The following CPHXL2 variants were observed in gnomAD, a reference collection of about 807,000 sequenced individuals.
CPHXL2 encodes the protein cytoplasmic polyadenylated homeobox like 2.
At chr16:75,661,154 A>G in the CPHXL2 span, 115 of 400,790 alleles carry the variant, frequency 2.9e-4, no homozygotes, top group African/African-American at 1.9e-3. Flanking sequence ...TTAAAAATGG[A>G]CAGGCTTGGA....
chr16:75,668,404 TTTTTA>T, the CPHXL2 span, among the ~76,000 whole-genome samples: 1 of 152,018 alleles, frequency 6.6e-6, no homozygotes, highest in East Asian at 1.9e-4. Flanking sequence ...AATTTTTGTA[TTTTTA>T]GTAGAGAAGG....
At chr16:75,666,449 A>G in the CPHXL2 span, among the ~76,000 whole-genome samples, 1 of 151,996 alleles carries the variant, frequency 6.6e-6, no homozygotes, top group South Asian at 2.1e-4. Context: ...TCTCTACTGA[A>G]AACACAAAAT....
chr16:75,671,549 A>G, the CPHXL2 span, among the ~76,000 whole-genome samples: 11 of 152,306 alleles, frequency 7.2e-5, no homozygotes, highest in African/African-American at 2.6e-4. Context: ...GAAGCCCCAG[A>G]GAGCATGGCT....
At chr16:75,670,743 T>C in the CPHXL2 span, among the ~76,000 whole-genome samples, 63 of 152,254 alleles carry the variant, frequency 4.1e-4, no homozygotes, top group African/African-American at 1.4e-3. Context: ...GTGATCCACC[T>C]TTCTCAGCCT....
At chr16:75,668,733 T>C in the CPHXL2 span, among the ~76,000 whole-genome samples, 1 of 152,206 alleles carries the variant, frequency 6.6e-6, no homozygotes, top group Non-Finnish European at 1.5e-5. Flanking sequence ...AAGTAGTTCT[T>C]ATTCTGTATT....
chr16:75,669,483 A>T, the CPHXL2 span: 1 of 400,526 alleles, frequency 2.5e-6, no homozygotes, highest in Middle Eastern at 3.3e-4. Flanking sequence ...CAGAAAATTT[A>T]TGTCGGTGTT....
the CPHXL2 span, among the ~76,000 whole-genome samples, chr16:75,675,285 G>T: frequency 7.3e-5 from 11 of 151,318 alleles, no homozygotes; most frequent in Admixed American, 1.3e-4. Flanking sequence ...CTCCCAAAGT[G>T]CTGGGATTAC....
chr16:75,673,641 C>G, the CPHXL2 span, among the ~76,000 whole-genome samples: 9 of 151,972 alleles, frequency 5.9e-5, no homozygotes, highest in African/African-American at 2.2e-4. Context: ...CCGGAGTTTT[C>G]TTAGTAAATG....
chr16:75,669,306 G>C, the CPHXL2 span: 1 of 356,634 alleles, frequency 2.8e-6, no homozygotes, highest in Non-Finnish European at 4.6e-6. Context: ...ACTGGAGTGA[G>C]ACCTTTCCTA....
chr16:75,667,782 A>G, the CPHXL2 span, among the ~76,000 whole-genome samples: 4 of 152,228 alleles, frequency 2.6e-5, no homozygotes, highest in Non-Finnish European at 5.9e-5. Flanking sequence ...TTGTATATTT[A>G]TCTGACATGT....
At chr16:75,671,644 T>A in the CPHXL2 span, among the ~76,000 whole-genome samples, 3 of 152,162 alleles carry the variant, frequency 2.0e-5, no homozygotes, top group East Asian at 5.8e-4. Context: ...CATAGGCTGA[T>A]TGAAAACAAA....
chr16:75,661,522 G>C, the CPHXL2 span, among the ~76,000 whole-genome samples: 2 of 151,844 alleles, frequency 1.3e-5, no homozygotes, highest in Admixed American at 1.3e-4. Flanking sequence ...AGGCTGTCTG[G>C]AATCTATCTC....
the CPHXL2 span, among the ~76,000 whole-genome samples, chr16:75,664,711 C>T: frequency 3.3e-5 from 5 of 151,964 alleles, no homozygotes; most frequent in African/African-American, 1.2e-4. Flanking sequence ...GAGGTGAGGC[C>T]TTAAAAGGTG....
the CPHXL2 span, among the ~76,000 whole-genome samples, chr16:75,673,034 C>T: frequency 2.9e-5 from 4 of 139,926 alleles, no homozygotes; most frequent in African/African-American, 1.1e-4. Flanking sequence ...GTGCACGTGC[C>T]ACTGCACTCC....
At chr16:75,676,439 C>G in the CPHXL2 span, among the ~76,000 whole-genome samples, 1 of 152,268 alleles carries the variant, frequency 6.6e-6, no homozygotes, top group Admixed American at 6.5e-5. Context: ...TCCCTCCTGC[C>G]TCAGGCTCCC....
At chr16:75,664,124 C>T in the CPHXL2 span, among the ~76,000 whole-genome samples, 1 of 152,166 alleles carries the variant, frequency 6.6e-6, no homozygotes, top group African/African-American at 2.4e-5. Context: ...TTCCACTTGT[C>T]CTGCCTTTCC....
At chr16:75,675,994 G>T in the CPHXL2 span, among the ~76,000 whole-genome samples, 1 of 151,948 alleles carries the variant, frequency 6.6e-6, no homozygotes, top group East Asian at 1.9e-4. Context: ...CAGGAGAATC[G>T]CTTGAACCTG....
chr16:75,674,071 G>T, the CPHXL2 span, among the ~76,000 whole-genome samples: 1 of 148,086 alleles, frequency 6.8e-6, no homozygotes, highest in East Asian at 2.0e-4. Flanking sequence ...TTTAACAAAA[G>T]AAGTGCAAAA....
chr16:75,674,610 G>A, the CPHXL2 span, among the ~76,000 whole-genome samples: 6 of 152,078 alleles, frequency 3.9e-5, no homozygotes, highest in African/African-American at 1.4e-4. Flanking sequence ...AAATTCATAT[G>A]AAAATTTAAG....
Sources: allele counts gnomAD v4.1 joint callset (sites outside exome capture counted in the v4.1 genomes callset), GRCh38; gene constraint gnomAD v4.1.1; transcripts MANE v1.5; gene names NCBI Gene and HGNC (gene_info 2026-07-23, HGNC 2026-07-21).